Variants in ROBO1 observed in about 807,000 individuals in gnomAD.
ROBO1 encodes the protein roundabout homolog 1.
A neutral mutation model predicts 195.9 loss-of-function variants in ROBO1; 149 were observed. That is an observed-to-expected ratio of 0.76 (90% CI 0.67 to 0.87). The LOEUF (loss-of-function observed/expected upper bound fraction) is 0.87, where lower values mean the gene tolerates loss of function less well. Ranked by LOEUF, ROBO1 falls within the 40% of genes least tolerant of loss-of-function variation. ROBO1 has a pLI of 0.00. For missense variants in ROBO1, 1,933 were observed against 2,068.3 expected, an observed-to-expected ratio of 0.93 and a Z score of 1.27; for synonymous variants, 816 against 733.2, an observed-to-expected ratio of 1.11 and a Z score of -1.82.
chr3:79,092,644 A>G (rs892229216), intron 3 of ROBO1, among the ~76,000 whole-genome samples: 2 of 152,194 alleles, frequency 1.3e-5, no homozygotes, highest in Non-Finnish European at 2.9e-5. Flanking sequence ...TCGTTATAAT[A>G]ACGGTAGCCA....
intron 2 of ROBO1, among the ~76,000 whole-genome samples, chr3:79,347,909 A>G (rs1418157813): frequency 2.0e-5 from 3 of 152,190 alleles, no homozygotes; most frequent in Admixed American, 1.3e-4. Flanking sequence ...GTACCGTATT[A>G]TGAATAGAAG....
intron 1 of ROBO1, among the ~76,000 whole-genome samples, chr3:79,739,510 T>A (rs1703533764): frequency 6.6e-6 from 1 of 152,158 alleles, no homozygotes; most frequent in Non-Finnish European, 1.5e-5. Flanking sequence ...CAAATCAATA[T>A]ATATAATACA....
At chr3:79,184,486 G>A (rs1408216872) in intron 2 of ROBO1, among the ~76,000 whole-genome samples, 2 of 152,116 alleles carry the variant, frequency 1.3e-5, no homozygotes, top group African/African-American at 4.8e-5. Flanking sequence ...GTGCTTTAGA[G>A]AAGCAAGAAA....
chr3:78,947,951 C>T (rs948275469), intron 3 of ROBO1, among the ~76,000 whole-genome samples: 12 of 152,280 alleles, frequency 7.9e-5, no homozygotes, highest in African/African-American at 2.9e-4. Context: ...TCAACACATA[C>T]ATCCTCCCAA....
At chr3:79,137,557 T>C (rs2080435274) in intron 2 of ROBO1, among the ~76,000 whole-genome samples, 1 of 152,110 alleles carries the variant, frequency 6.6e-6, no homozygotes, top group Admixed American at 6.5e-5. Flanking sequence ...GTCTGTTTAA[T>C]AGAACACATC....
At chr3:78,955,626 T>A (rs1452571058) in intron 3 of ROBO1, among the ~76,000 whole-genome samples, 1 of 152,128 alleles carries the variant, frequency 6.6e-6, no homozygotes, top group Non-Finnish European at 1.5e-5. Context: ...CTAAAATCAA[T>A]TAAAGTACTA....
chr3:79,300,216 G>A (rs1175238782), intron 2 of ROBO1, among the ~76,000 whole-genome samples: 1 of 152,192 alleles, frequency 6.6e-6, no homozygotes, highest in African/African-American at 2.4e-5. Flanking sequence ...GGGAGGTGTG[G>A]GGGGAGAGGC....
At chr3:79,756,378 T>C (rs976213290) in intron 1 of ROBO1, among the ~76,000 whole-genome samples, 8 of 151,846 alleles carry the variant, frequency 5.3e-5, no homozygotes, top group Non-Finnish European at 1.0e-4. Context: ...GGTGAAACCC[T>C]GTCTCTACTA....
intron 2 of ROBO1, among the ~76,000 whole-genome samples, chr3:79,545,730 A>G (rs1436496020): frequency 6.6e-6 from 1 of 152,220 alleles, no homozygotes; most frequent in Non-Finnish European, 1.5e-5. Context: ...TAGCAATTAT[A>G]CAGCTGATGC....
At chr3:78,608,490 A>G (rs984594789) in intron 28 of ROBO1, among the ~76,000 whole-genome samples, 5 of 152,216 alleles carry the variant, frequency 3.3e-5, no homozygotes, top group African/African-American at 4.8e-5. Flanking sequence ...TTTTTTAATC[A>G]GTGCTATCTT....
chr3:78,825,031 TC>T (rs1448437168), intron 4 of ROBO1, among the ~76,000 whole-genome samples: 1 of 152,206 alleles, frequency 6.6e-6, no homozygotes, highest in African/African-American at 2.4e-5. Context: ...AACCTCTTTT[TC>T]TATAAAACTC....
At chr3:79,433,464 C>T (rs1298039599) in intron 2 of ROBO1, among the ~76,000 whole-genome samples, 1 of 151,972 alleles carries the variant, frequency 6.6e-6, no homozygotes, top group Non-Finnish European at 1.5e-5. Flanking sequence ...GATTATAGCT[C>T]ACATCCTCAC....
chr3:79,202,075 T>C (rs1020088125), intron 2 of ROBO1, among the ~76,000 whole-genome samples: 4 of 151,964 alleles, frequency 2.6e-5, no homozygotes, highest in African/African-American at 9.7e-5. Context: ...TCCATGATCC[T>C]TCAAGTCTGG....
At chr3:79,111,331 G>A (rs954866271) in intron 3 of ROBO1, among the ~76,000 whole-genome samples, 4 of 152,070 alleles carry the variant, frequency 2.6e-5, no homozygotes. Flanking sequence ...AGGATCGATT[G>A]GGGAATGCGC....
intron 3 of ROBO1, among the ~76,000 whole-genome samples, chr3:79,076,414 C>T (rs2079175224): frequency 6.6e-6 from 1 of 150,902 alleles, no homozygotes; most frequent in South Asian, 2.1e-4. Flanking sequence ...TAAACTCAAA[C>T]CCAGTAGTGT....
chr3:79,368,837 T>C (rs537855279), intron 2 of ROBO1, among the ~76,000 whole-genome samples: 2 of 152,302 alleles, frequency 1.3e-5, no homozygotes, highest in East Asian at 3.9e-4. Flanking sequence ...TGCTTTTAGG[T>C]ACTTAGATAC....
intron 10 of ROBO1, among the ~76,000 whole-genome samples, chr3:78,683,869 A>G (rs923118589): frequency 6.6e-6 from 1 of 152,058 alleles, no homozygotes; most frequent in Non-Finnish European, 1.5e-5. Flanking sequence ...AATATTTTCA[A>G]GGCCTCAAGG....
chr3:78,865,691 T>C (rs2035131332), intron 4 of ROBO1, among the ~76,000 whole-genome samples: 1 of 152,112 alleles, frequency 6.6e-6, no homozygotes, highest in Non-Finnish European at 1.5e-5. Flanking sequence ...CAGGATGGTC[T>C]TGATCTCCTG....
intron 4 of ROBO1, among the ~76,000 whole-genome samples, chr3:78,867,319 C>T (rs758903393): frequency 6.6e-6 from 1 of 152,142 alleles, no homozygotes; most frequent in Non-Finnish European, 1.5e-5. Context: ...TATCTCCTTT[C>T]ATTCTCATGG....
Sources: allele counts gnomAD v4.1 joint callset (sites outside exome capture counted in the v4.1 genomes callset), GRCh38; gene constraint gnomAD v4.1.1; transcripts MANE v1.5; gene names NCBI Gene and HGNC (gene_info 2026-07-23, HGNC 2026-07-21).